Variants in CD36 observed in about 807,000 individuals in gnomAD.
CD36 encodes the protein platelet glycoprotein 4.
Under a neutral mutation model 55.2 loss-of-function variants are expected in CD36, and 119 were observed. That is an observed-to-expected ratio of 2.15 (90% CI 1.86 to 2.51). The LOEUF is 2.51. CD36 is among the 30% of genes most tolerant of loss of function. The pLI is 0.00. For missense variants in CD36, 819 were observed against 555.5 expected (o/e 1.47, Z -4.77); for synonymous variants, 186 against 193.6 (o/e 0.96, Z 0.33).
chr7:80,660,074 T>G (rs1371940402), intron 4 of CD36, among the ~76,000 whole-genome samples: 3 of 152,138 alleles, frequency 2.0e-5, no homozygotes, highest in Admixed American at 1.3e-4. Context: ...TTTAAAAAAT[T>G]CAGTCCAATT....
At position 80,671,080 on chromosome 7, in the gene CD36, G is replaced by C. The variant is rs150308664; in HGVS notation, c.922G>C (p.Asp308His). 2.9e-5 allele frequency: 46 copies of C among 1,612,700 alleles called. No individual in the cohort carries two copies. The highest frequency in any genetic ancestry group is 3.9e-5 in the Non-Finnish European group (46 of 1,179,066). ...KAFASPVENP[D>H]NYCFCTEKII... ...CTTTGCCTCTCCAGTTGAAAACCCA[G>C]ACAACTATTGTTTCTGCACAGAAAA... Residue 308 changes from aspartate to histidine, a missense_variant, in exon 10 of 15, where the codon GAC becomes CAC. Asp to His is a moderately conservative substitution (Grantham distance 81, BLOSUM62 -1). Coordinates refer to ENST00000447544, the MANE Select transcript of CD36 (RefSeq NM_001001548.3).
At chr7:80,670,388 C>G (rs1048708702) in intron 9 of CD36, 1 of 282,306 alleles carries the variant, frequency 3.5e-6, no homozygotes, top group Non-Finnish European at 6.8e-6. Flanking sequence ...GCACTGGAGC[C>G]TTTACCACTA....
rs1340785021 is a variant in CD36 at position 80,661,131 on chromosome 7, C to T, written c.350C>T (p.Pro117Leu). The T allele has an allele frequency of 6.2e-7, 1 of 1,613,676 alleles. No homozygotes were observed. The highest frequency in any genetic ancestry group is 8.5e-7 in the Non-Finnish European group (1 of 1,179,742). Residue 117 changes from proline to leucine, a missense_variant, in exon 5 of 15, where the codon CCC becomes CTC. Transcript: ENST00000447544. ...AEDNTVSFLQ[P>L]NGAIFEPSLS... ...GACAACACAGTCTCTTTCCTGCAGC[C>T]CAATGGTGCCATCTTCGAACCTTCA... is the stretch of plus-strand genomic sequence containing the variant.
chr7:80,638,433 T>C (rs1027698969), upstream of CD36: 6 of 150,598 alleles, frequency 4.0e-5, no homozygotes, highest in Non-Finnish European at 7.4e-5. Context: ...ATCTCAGATA[T>C]AGGTAATGGG....
chr7:80,617,358 A>C (rs1253236987), intron 1 of CD36, among the ~76,000 whole-genome samples: 1 of 152,072 alleles, frequency 6.6e-6, no homozygotes, highest in Non-Finnish European at 1.5e-5. Flanking sequence ...ACAAACCTGC[A>C]TGTGTACCCC....
At chr7:80,663,386 T>C (rs1207961328) in intron 6 of CD36, among the ~76,000 whole-genome samples, 1 of 152,182 alleles carries the variant, frequency 6.6e-6, no homozygotes, top group Non-Finnish European at 1.5e-5. Context: ...ACCTGAAGAA[T>C]AGATTTAATA....
intron 3 of CD36, among the ~76,000 whole-genome samples, chr7:80,653,125 C>A (rs1795754008): frequency 6.6e-6 from 1 of 152,014 alleles, no homozygotes; most frequent in Non-Finnish European, 1.5e-5. Context: ...CATTGTTGGC[C>A]ACTTCAGTCT....
intron 1 of CD36, among the ~76,000 whole-genome samples, chr7:80,623,491 A>G (rs59637606): frequency 0.069 from 1,213 of 17,676 alleles, 55 homozygotes; most frequent in East Asian, 0.45. Context: ...CTCATTTAGC[A>G]TATACTGTAA....
chr7:80,647,257 A>ACT (rs1250713358), intron 3 of CD36: 1 of 201,632 alleles, frequency 5.0e-6, no homozygotes, highest in African/African-American at 4.6e-5. Context: ...GAAAAGTAAA[A>ACT]CTGTGTGTGT....
intron 1 of CD36, 134 bp from the exon 2 acceptor site, chr7:80,645,954 G>T (rs1194203822): frequency 1.3e-5 from 2 of 152,116 alleles, no homozygotes; most frequent in Non-Finnish European, 2.9e-5. Context: ...AGCCATTCAG[G>T]CCTGAACTCA....
chr7:80,665,994 C>T lies in CD36; in HGVS notation c.702-449C>T, dbSNP rs182335072. 3.1e-3 allele frequency: 497 copies of T among 159,736 alleles called. 1 individual carries two copies. The highest frequency in any genetic ancestry group is 4.9e-3 in the Non-Finnish European group (354 of 72,742). The allele number at this position is 159,736 out of a possible 1,614,324, so 9.9% of individuals were successfully genotyped here. On this transcript the variant is annotated intron_variant, in intron 7 of 14. Transcript: ENST00000447544. ...TTTGAATGTTTGCTGATCCAAACAT[C>T]TGCTTCTTTCCTCTTCCCTGCTTCT... is the stretch of plus-strand genomic sequence containing the variant.
rs758547598 is a variant in CD36, at chr7:80,676,741, G to A, written c.*358G>A. 15 of 151,686 alleles carry A rather than the reference G, an allele frequency of 9.9e-5. No homozygotes were observed. Among genetic ancestry groups the A allele is most frequent in the Non-Finnish European group, 2.2e-4 (15 of 67,966 alleles). The allele number at this position is 151,686 out of a possible 1,614,324, so 9.4% of individuals were successfully genotyped here. The stretch of plus-strand genomic sequence containing the variant: ...AAATGGACATCATTTTAGCACACTA[G>A]CGGTTTATATTTTAAGGACCTTCAT... On this transcript the variant is annotated 3_prime_UTR_variant, in exon 15 of 15. Transcript: ENST00000447544.
intron 1 of CD36, among the ~76,000 whole-genome samples, chr7:80,604,354 T>C (rs1427383015): frequency 2.5e-5 from 1 of 39,652 alleles, no homozygotes; most frequent in Non-Finnish European, 4.1e-5. Context: ...ACTGGAATTT[T>C]TTTTTTTTTT....
rs763794481 is a variant in CD36, at chr7:80,669,942, T to A, written c.749-11T>A. On this transcript the variant is annotated splice_polypyrimidine_tract_variant and intron_variant, in intron 8 of 14. Coordinates refer to ENST00000447544, the MANE Select transcript of CD36 (RefSeq NM_001001548.3). ...TTACATCTAATCATTTGCCACTCGA[T>A]TTTTAAACAGATGCAGCCTCATTTC... is the stretch of plus-strand genomic sequence containing the variant. The A allele has an allele frequency of 1.1e-5, 17 of 1,605,076 alleles. No individual in the cohort carries two copies. The highest frequency in any genetic ancestry group is 1.3e-5 in the African/African-American group (1 of 74,734).
At position 80,656,682 on chromosome 7, in the gene CD36, G is replaced by T. The variant is rs766961875; in HGVS notation, c.263G>T (p.Arg88Ile). The stretch of plus-strand genomic sequence containing the variant: ...AGCAGCAACATTCAAGTTAAGCAAA[G>T]AGGTCCTTATACGTACAGGTGAGTG... ...MNSSNIQVKQ[R>I]GPYTYRVRFL... Residue 88 changes from arginine to isoleucine, a missense_variant, in exon 4 of 15, where the codon AGA (arginine) becomes ATA (isoleucine). Transcript: ENST00000447544. 10 of 1,613,618 alleles carry T rather than the reference G, an allele frequency of 6.2e-6. No individual in the cohort carries two copies. The Admixed American group carries it at 1.7e-4, about 27-fold the overall frequency.
chr7:80,658,688 G>A (rs1371568936), intron 4 of CD36, among the ~76,000 whole-genome samples: 1 of 152,096 alleles, frequency 6.6e-6, no homozygotes, highest in African/African-American at 2.4e-5. Context: ...TGTAGACAAG[G>A]TTTCGCCATG....
chr7:80,629,078 C>T (rs1250767658), intron 1 of CD36, among the ~76,000 whole-genome samples: 1 of 151,992 alleles, frequency 6.6e-6, no homozygotes, highest in Non-Finnish European at 1.5e-5. Context: ...AAGATTTATT[C>T]TCCCTTCACA....
At chr7:80,635,992 C>T (rs12234728), upstream of CD36, among the ~76,000 whole-genome samples, 491 of 152,188 alleles carry the variant, frequency 3.2e-3, 25 homozygotes, top group East Asian at 0.076. Flanking sequence ...TCCTCAAAAA[C>T]GCAACATTCT....
rs752656773 is a variant in CD36 at position 80,677,335 on chromosome 7, C to T, written c.*952C>T. On this transcript the variant is annotated 3_prime_UTR_variant, in exon 15 of 15. Transcript: ENST00000447544. ...GAGCATTAGTTCTCCTAAAAAGCTC[C>T]AGCATAGAAAGGGAAGATAAACCAA... The T allele has an allele frequency of 6.6e-6, 1 of 152,142 alleles. No homozygotes were observed. Among genetic ancestry groups the T allele is most frequent in the Non-Finnish European group, 1.5e-5 (1 of 68,044 alleles). 9.4% of individuals were successfully genotyped at this position (152,142 alleles called of 1,614,324 possible).
Sources: allele counts gnomAD v4.1 joint callset (sites outside exome capture counted in the v4.1 genomes callset), GRCh38; gene constraint gnomAD v4.1.1; transcripts MANE v1.5; gene names NCBI Gene and HGNC (gene_info 2026-07-23, HGNC 2026-07-21).